PPP6R3: variants seen among roughly 807,000 people sequenced by gnomAD.
PPP6R3 encodes serine/threonine-protein phosphatase 6 regulatory subunit 3.
In PPP6R3, 38 loss-of-function variants were observed where a neutral mutation model predicts 110.7. That is an observed-to-expected ratio of 0.34 (90% CI 0.26 to 0.45). The LOEUF (loss-of-function observed/expected upper bound fraction) is 0.45, where lower values mean the gene tolerates loss of function less well. Among genes scored for constraint, PPP6R3 ranks in the 20% least tolerant of loss-of-function variants. The probability of loss-of-function intolerance (pLI) is 1.00; values close to 1 mark genes in which losing one functional copy is unlikely to be tolerated. For synonymous variants in PPP6R3, 369 were observed against 373.5 expected (o/e 0.99, Z 0.14); for missense variants, 870 against 1,062.4 (o/e 0.82, Z 2.52).
Position 68,614,002 on chromosome 11 carries a change from G to C in PPP6R3, c.*885G>C. On this transcript the variant is annotated 3_prime_UTR_variant, in exon 24 of 24. Coordinates refer to ENST00000393800, the MANE Select transcript of PPP6R3 (RefSeq NM_001164161.2). ...TCACCAAAATTTACCTTGTTAACAA[G>C]CATCACCAATGAACATTTCAGAGCA... The C allele has an allele frequency of 1.0e-6, 1 of 984,220 alleles. No homozygotes were observed. The highest frequency in any genetic ancestry group is 1.2e-6 in the Non-Finnish European group (1 of 829,730). The allele number at this position is 984,220 out of a possible 1,614,324, so 61.0% of individuals were successfully genotyped here. A position where few individuals can be genotyped will look rare whatever the true frequency, so the allele number is the denominator to read the frequency against.
chr11:68,528,433 T>G (rs112639285), intron 2 of PPP6R3, among the ~76,000 whole-genome samples: 10,364 of 126,440 alleles, frequency 0.082, 552 homozygotes, highest in Non-Finnish European at 0.095. Context: ...TTTGTGTGTG[T>G]GGGGGGGGGG....
Position 68,572,779 on chromosome 11 carries a change from C to G in PPP6R3, c.1344-1330C>G, listed in dbSNP as rs1222951891. Among the ~76,000 whole-genome samples, 5 of 152,088 alleles carry G rather than the reference C, an allele frequency of 3.3e-5. No individual in the cohort carries two copies. The East Asian group carries it at 9.7e-4, about 30-fold the overall frequency. ...ATTGCCTGAGCCCAGGAGTTTGAAG[C>G]TGCAATGAGCTGTGATTGCACCACT... On this transcript the variant is annotated intron_variant, in intron 12 of 23. Transcript: ENST00000393800.
chr11:68,590,209 T>C (rs910264270), intron 16 of PPP6R3, among the ~76,000 whole-genome samples: 1 of 152,280 alleles, frequency 6.6e-6, no homozygotes, highest in Non-Finnish European at 1.5e-5. Context: ...TGATATCTTG[T>C]TAACAGCATA....
At chr11:68,568,861 T>C (rs910684667) in intron 10 of PPP6R3, among the ~76,000 whole-genome samples, 32 of 151,744 alleles carry the variant, frequency 2.1e-4, no homozygotes, top group African/African-American at 7.5e-4. Context: ...GCCTCCTGGG[T>C]TCACGCCATT....
At chr11:68,494,708 A>G (rs2099005747) in intron 1 of PPP6R3, among the ~76,000 whole-genome samples, 1 of 152,076 alleles carries the variant, frequency 6.6e-6, no homozygotes. Flanking sequence ...AAGCTTAAAA[A>G]TTATCCTCTG....
At chr11:68,609,627 C>T (rs890698671) in intron 22 of PPP6R3, 6 of 1,552,300 alleles carry the variant, frequency 3.9e-6, no homozygotes, top group South Asian at 2.4e-5. Context: ...GAAATCCTAT[C>T]GGTATGTACA....
chr11:68,475,656 A>T (rs1291975942), intron 1 of PPP6R3, among the ~76,000 whole-genome samples: 3 of 144,646 alleles, frequency 2.1e-5, no homozygotes, highest in Non-Finnish European at 3.1e-5. Context: ...TCCCTCCCGG[A>T]CGGGGCGGCT....
chr11:68,476,644 T>G (rs2098835049), intron 1 of PPP6R3, among the ~76,000 whole-genome samples: 1 of 152,260 alleles, frequency 6.6e-6, no homozygotes, highest in Non-Finnish European at 1.5e-5. Context: ...TATCTTTAAT[T>G]CTGAATATAT....
intron 22 of PPP6R3, among the ~76,000 whole-genome samples, chr11:68,607,434 G>T (rs533718599): frequency 6.6e-6 from 1 of 152,304 alleles, no homozygotes; most frequent in South Asian, 2.1e-4. Flanking sequence ...ACTCCAGCTG[G>T]ATTAAAAGAC....
chr11:68,489,330 G>A (rs2098968679), intron 1 of PPP6R3, among the ~76,000 whole-genome samples: 1 of 151,410 alleles, frequency 6.6e-6, no homozygotes, highest in African/African-American at 2.4e-5. Context: ...TGCCTTTTTT[G>A]GTTTTAATTG....
chr11:68,599,611 G>A (rs1347282607), intron 19 of PPP6R3, among the ~76,000 whole-genome samples: 1 of 152,216 alleles, frequency 6.6e-6, no homozygotes, highest in East Asian at 1.9e-4. Context: ...TAATCAACAT[G>A]TTCTTTTTTT....
chr11:68,610,697 G>A (rs1268464562), intron 23 of PPP6R3, among the ~76,000 whole-genome samples: 1 of 152,212 alleles, frequency 6.6e-6, no homozygotes, highest in African/African-American at 2.4e-5. Flanking sequence ...ATGGCCCAAA[G>A]ATGAGGCTGC....
chr11:68,601,534 G>A (rs774056386), intron 20 of PPP6R3, among the ~76,000 whole-genome samples: 1 of 152,216 alleles, frequency 6.6e-6, no homozygotes, highest in Non-Finnish European at 1.5e-5. Context: ...CACAATGTAC[G>A]TCTTTGCTGT....
intron 1 of PPP6R3, among the ~76,000 whole-genome samples, chr11:68,473,425 T>C (rs1035137018): frequency 1.3e-5 from 2 of 152,232 alleles, no homozygotes; most frequent in Non-Finnish European, 2.9e-5. Context: ...CATGCGTATC[T>C]CTCCATCTGT....
At chr11:68,486,473 C>T (rs1016826191) in intron 1 of PPP6R3, among the ~76,000 whole-genome samples, 12 of 151,788 alleles carry the variant, frequency 7.9e-5, no homozygotes, top group East Asian at 3.9e-4. Context: ...GGTGTGGTGG[C>T]GGGCGCCTGT....
At chr11:68,601,090 A>G (rs1033635149) in intron 20 of PPP6R3, among the ~76,000 whole-genome samples, 1 of 152,246 alleles carries the variant, frequency 6.6e-6, no homozygotes, top group East Asian at 1.9e-4. Flanking sequence ...TGTAGTAACC[A>G]TAGTAATAGC....
At chr11:68,612,588 CAGT>C (rs1475296046) in intron 23 of PPP6R3, among the ~76,000 whole-genome samples, 1 of 149,102 alleles carries the variant, frequency 6.7e-6, no homozygotes, top group East Asian at 1.9e-4. Context: ...TTTTTTTTTC[CAGT>C]AGTTTATTTG....
chr11:68,476,902 T>G (rs141570922), intron 1 of PPP6R3, among the ~76,000 whole-genome samples: 3,952 of 151,828 alleles, frequency 0.026, 80 homozygotes, highest in Non-Finnish European at 0.037. Context: ...GGTTTGTGCC[T>G]GTAGTCACAG....
chr11:68,535,871 A>AG (rs1013125281), intron 2 of PPP6R3, among the ~76,000 whole-genome samples: 3 of 150,466 alleles, frequency 2.0e-5, no homozygotes, highest in Non-Finnish European at 3.0e-5. Flanking sequence ...TGGGAGGCTG[A>AG]GGTAGGGATT....
Sources: gnomAD v4.1 joint callset for allele counts (sites outside exome capture counted in the v4.1 genomes callset) on GRCh38, gnomAD v4.1.1 for gene constraint, MANE v1.5 for transcripts, NCBI Gene and HGNC (gene_info 2026-07-23, HGNC 2026-07-21) for gene names.